The following C8orf34 variants were observed in gnomAD, a reference collection of about 807,000 sequenced individuals.
The protein encoded by C8orf34 is chromosome 8 open reading frame 34.
C8orf34 carries 65 observed loss-of-function variants against 68.3 expected under a neutral mutation model. The observed-to-expected ratio is 0.95, with a 90% confidence interval of 0.78 to 1.17. The LOEUF (loss-of-function observed/expected upper bound fraction) is 1.17. C8orf34 is among the 50% of genes most tolerant of loss of function. The pLI, the probability that C8orf34 is intolerant of heterozygous loss-of-function variation, is 0.00. For synonymous variants in C8orf34, 244 were observed against 241.2 expected, an observed-to-expected ratio of 1.01 and a Z score of -0.11; for missense variants, 664 against 655.4, an observed-to-expected ratio of 1.01 and a Z score of -0.14.
intron 1 of C8orf34, among the ~76,000 whole-genome samples, chr8:68,426,518 CAAAAAAAAAA>C (rs753578060): frequency 3.4e-5 from 1 of 29,610 alleles, no homozygotes; most frequent in African/African-American, 1.0e-4. Flanking sequence ...GACCTTGTCT[CAAAAAAAAAA>C]AAAAAAAAAA....
chr8:68,694,917 A>G (rs1820784097), intron 8 of C8orf34, among the ~76,000 whole-genome samples: 1 of 152,008 alleles, frequency 6.6e-6, no homozygotes, highest in Non-Finnish European at 1.5e-5. Context: ...TTTGTTATTA[A>G]CAAATTTCAG....
chr8:68,472,589 ATAT>A (rs138830960), intron 4 of C8orf34, among the ~76,000 whole-genome samples: 2,330 of 152,208 alleles, frequency 0.015, 22 homozygotes, highest in Non-Finnish European at 0.025. Flanking sequence ...CCTGCCATAG[ATAT>A]TATTATTGCT....
rs567278856 is a variant in C8orf34, at chr8:68,753,920, T to C, written c.1405-22479T>C. Among the ~76,000 whole-genome samples, 17 of 152,288 alleles carry C rather than the reference T, an allele frequency of 1.1e-4. 1 individual carries two copies. The South Asian group carries it at 3.3e-3, about 30-fold the overall frequency. On this transcript the variant is annotated intron_variant, in intron 10 of 13. Coordinates refer to ENST00000518698, the MANE Select transcript of C8orf34 (RefSeq NM_052958.4). ...CTCCTGGCCAGGAATAGAGTCACAGTCATTGGTGCCAAGCCCTTTCAGTGG... is the reference window on the plus strand; with the variant it reads ...CTCCTGGCCAGGAATAGAGTCACAGCCATTGGTGCCAAGCCCTTTCAGTGG...
chr8:68,431,385 C>T (rs1444487665), intron 1 of C8orf34, among the ~76,000 whole-genome samples: 2 of 152,182 alleles, frequency 1.3e-5, no homozygotes, highest in African/African-American at 4.8e-5. Context: ...ACTTGCATCA[C>T]AAATTTATTT....
Position 68,649,886 on chromosome 8 carries a change from G to A in C8orf34, c.1241+9375G>A, listed in dbSNP as rs111806891. On this transcript the variant is annotated intron_variant, in intron 8 of 13. Coordinates refer to ENST00000518698, the MANE Select transcript of C8orf34 (RefSeq NM_052958.4). The stretch of plus-strand genomic sequence containing the variant: ...AGACTTCAATTTTCTGTATGAACCT[G>A]GGGATGATAATTTTTGCCTATGGGG... Among the ~76,000 whole-genome samples, 915 of 152,194 alleles carry A rather than the reference G, an allele frequency of 6.0e-3. 10 individuals are homozygous for A. Among genetic ancestry groups the A allele is most frequent in the African/African-American group, 0.02 (844 of 41,506 alleles).
At chr8:68,770,781 AT>A (rs1382736631) in intron 10 of C8orf34, among the ~76,000 whole-genome samples, 2 of 152,194 alleles carry the variant, frequency 1.3e-5, no homozygotes, top group African/African-American at 4.8e-5. Context: ...TTAGTGTTAA[AT>A]TTTAGTCATT....
At chr8:68,588,470 A>G (rs1311817222) in intron 7 of C8orf34, among the ~76,000 whole-genome samples, 1 of 152,170 alleles carries the variant, frequency 6.6e-6, no homozygotes, top group Non-Finnish European at 1.5e-5. Flanking sequence ...TTGCATTTGC[A>G]TCAGACACTA....
intron 5 of C8orf34, among the ~76,000 whole-genome samples, chr8:68,521,001 A>G (rs1013684615): frequency 1.3e-5 from 2 of 152,184 alleles, no homozygotes; most frequent in Non-Finnish European, 2.9e-5. Context: ...TTATTTTACC[A>G]TTGTTTTCCT....
At position 68,440,272 on chromosome 8, in the gene C8orf34, A is replaced by T. The variant is rs139580535; in HGVS notation, c.475+626A>T. Reference sequence around the variant, plus strand: ...TTTACTTTCAAATCCAAATCCCCTCATGCCCATTGCTTGGGTAACTAACTT... The same window carrying T: ...TTTACTTTCAAATCCAAATCCCCTCTTGCCCATTGCTTGGGTAACTAACTT... On this transcript the variant is annotated intron_variant, in intron 2 of 13. Coordinates refer to ENST00000518698, the MANE Select transcript of C8orf34 (RefSeq NM_052958.4). 4.3e-4 allele frequency among the ~76,000 whole-genome samples: 65 copies of T among 152,292 alleles called. 1 individual carries two copies. In the East Asian group the frequency reaches 0.012, roughly 29 times the overall value.
At chr8:68,347,380 T>A (rs1444370476) in intron 1 of C8orf34, among the ~76,000 whole-genome samples, 1 of 152,126 alleles carries the variant, frequency 6.6e-6, no homozygotes, top group Non-Finnish European at 1.5e-5. Flanking sequence ...GGTATTTAGG[T>A]TGATTCCATG....
intron 6 of C8orf34, among the ~76,000 whole-genome samples, chr8:68,531,823 G>C (rs1815258475): frequency 6.6e-6 from 1 of 152,090 alleles, no homozygotes; most frequent in Non-Finnish European, 1.5e-5. Flanking sequence ...GGAATGGTTA[G>C]GAACCTGAGG....
At chr8:68,705,770 A>AT (rs1321873460) in intron 8 of C8orf34, among the ~76,000 whole-genome samples, 1 of 151,994 alleles carries the variant, frequency 6.6e-6, no homozygotes, top group Admixed American at 6.6e-5. Flanking sequence ...GAGCTTGTTC[A>AT]TATGCTGTGG....
chr8:68,794,692 G>T (rs1369653641), intron 12 of C8orf34, among the ~76,000 whole-genome samples: 2 of 150,542 alleles, frequency 1.3e-5, no homozygotes, highest in Non-Finnish European at 2.9e-5. Flanking sequence ...TCACCATGTT[G>T]CCCAGGTTGG....
intron 1 of C8orf34, among the ~76,000 whole-genome samples, chr8:68,390,615 C>T (rs1203017294): frequency 6.6e-6 from 1 of 152,058 alleles, no homozygotes; most frequent in East Asian, 1.9e-4. Flanking sequence ...TTGGATGGTG[C>T]AGGCTGTGTA....
intron 1 of C8orf34, among the ~76,000 whole-genome samples, chr8:68,426,153 C>T (rs1321842530): frequency 6.6e-6 from 1 of 152,028 alleles, no homozygotes; most frequent in African/African-American, 2.4e-5. Flanking sequence ...CAAAGTATGA[C>T]TAATAAATAA....
At chr8:68,340,861 T>C (rs1806040720) in intron 1 of C8orf34, among the ~76,000 whole-genome samples, 1 of 152,168 alleles carries the variant, frequency 6.6e-6, no homozygotes. Flanking sequence ...AAACTACAGA[T>C]AAAATTCATT....
At chr8:68,800,051 G>A (rs1824286286) in intron 12 of C8orf34, among the ~76,000 whole-genome samples, 1 of 152,154 alleles carries the variant, frequency 6.6e-6, no homozygotes, top group African/African-American at 2.4e-5. Context: ...GGGTGAGAAG[G>A]AAATATGCCT....
chr8:68,388,930 A>G (rs904379000), intron 1 of C8orf34, among the ~76,000 whole-genome samples: 2 of 152,182 alleles, frequency 1.3e-5, no homozygotes, highest in Non-Finnish European at 2.9e-5. Flanking sequence ...CATGAGTGAT[A>G]TAAGTTTCTC....
rs1254300032 is a variant in C8orf34 at position 68,787,495 on chromosome 8, G to A, written c.1508G>A (p.Ser503Asn). The A allele has an allele frequency of 6.2e-7, 1 of 1,612,562 alleles. No individual in the cohort carries two copies. Among genetic ancestry groups the A allele is most frequent in the South Asian group, 1.1e-5 (1 of 90,912 alleles). Residue 503 changes from serine to asparagine, a missense_variant, in exon 12 of 14, where the codon AGT becomes AAT. Ser to Asn is a conservative substitution (Grantham distance 46). Coordinates refer to ENST00000518698, the MANE Select transcript of C8orf34 (RefSeq NM_052958.4). ...GTTCATCAACCATGGATCTTGCCAA[G>A]TGACACAGAAAGTGAAGGAGTGGAA... ...QVVHQPWILP[S>N]DTESEGVEAE...
Sources: gnomAD v4.1 joint callset for allele counts (sites outside exome capture counted in the v4.1 genomes callset) on GRCh38, gnomAD v4.1.1 for gene constraint, MANE v1.5 for transcripts, NCBI Gene and HGNC (gene_info 2026-07-23, HGNC 2026-07-21) for gene names.